Variants in MYB observed in about 807,000 individuals in gnomAD.
The protein encoded by MYB is transcriptional activator Myb.
MYB carries 28 observed loss-of-function variants against 92.9 expected under a neutral mutation model. The observed-to-expected ratio is 0.30, with a 90% CI of 0.22 to 0.41. The LOEUF is 0.41. Ranked by LOEUF, MYB falls within the 10% of genes least tolerant of loss-of-function variation. MYB has a pLI of 1.00. For synonymous variants in MYB, 295 were observed against 329.1 expected (o/e 0.90, Z 1.12); for missense variants, 679 against 929.3 (o/e 0.73, Z 3.50).
At chr6:135,210,979 C>A (rs978837537) in intron 15 of MYB, among the ~76,000 whole-genome samples, 21 of 151,948 alleles carry the variant, frequency 1.4e-4, no homozygotes, top group Admixed American at 7.9e-4. Context: ...TTCCCTGTCC[C>A]ACTCTTACAG....
intron 15 of MYB, among the ~76,000 whole-genome samples, chr6:135,205,201 G>A (rs548947065): frequency 6.7e-6 from 1 of 150,298 alleles, no homozygotes; most frequent in Admixed American, 6.6e-5. Context: ...CCTGAAAGCT[G>A]TTCTTAGGTC....
intron 15 of MYB, among the ~76,000 whole-genome samples, chr6:135,207,179 T>C (rs1034264903): frequency 3.3e-5 from 5 of 152,236 alleles, no homozygotes; most frequent in African/African-American, 7.2e-5. Flanking sequence ...GTACTTTATA[T>C]AATCTATAAT....
intron 15 of MYB, among the ~76,000 whole-genome samples, chr6:135,204,550 A>G (rs1043205245): frequency 3.3e-5 from 5 of 151,988 alleles, no homozygotes; most frequent in African/African-American, 1.2e-4. Context: ...TGATCTGCCC[A>G]CCTCGGCCTC....
chr6:135,209,072 A>T (rs1455327353), intron 15 of MYB, among the ~76,000 whole-genome samples: 1 of 152,198 alleles, frequency 6.6e-6, no homozygotes, highest in East Asian at 1.9e-4. Context: ...AATTAATTTA[A>T]GTTGCTTTAA....
intron 15 of MYB, among the ~76,000 whole-genome samples, chr6:135,217,240 G>A (rs934740351): frequency 1.3e-5 from 2 of 151,976 alleles, no homozygotes; most frequent in Admixed American, 6.6e-5. Flanking sequence ...TTGGTGGCAC[G>A]TGCCTGTAGT....
In MYB at chr6:135,196,968, C is replaced by A. The variant is rs1398079979; in HGVS notation, c.1211C>A (p.Ser404Ter). 2.5e-6 allele frequency: 4 copies of A among 1,611,966 alleles called. No individual in the cohort carries two copies. The highest frequency in any genetic ancestry group is 1.3e-5 in the African/African-American group (1 of 74,970). Reference protein sequence around the residue: ...ETLQFIDSDSSSWCDLSSFEF... With the variant: ...ETLQFIDSDS ...CCTCCCACATTGTTTCAGGATTCTT[C>A]ATCATGGTGTGATCTCAGCAGTTTT... The change falls in exon 10 of 16, where the codon TCA becomes TAA. Residue 404 changes from serine to a stop codon, truncating the protein, a stop_gained. Transcript: ENST00000341911. LOFTEE classifies it high-confidence loss of function.
chr6:135,200,703 A>C, intron 13 of MYB: 1 of 395,372 alleles, frequency 2.5e-6, no homozygotes, highest in Non-Finnish European at 4.8e-6. Flanking sequence ...AACATTACTG[A>C]TTATATAAAG....
rs1780765913 is a variant in MYB, at chr6:135,219,022, G to A, written c.*1042G>A. On this transcript the variant is annotated 3_prime_UTR_variant, in exon 16 of 16. Transcript: ENST00000341911. Reference sequence around the variant, plus strand: ...GTCTCAGAACTGTTGCATGGATCCTGTGTTTGCAACTGGGGAGACAGAAAC... The same window carrying A: ...GTCTCAGAACTGTTGCATGGATCCTATGTTTGCAACTGGGGAGACAGAAAC... The A allele has an allele frequency of 8.9e-6, 2 of 224,958 alleles. No individual in the cohort carries two copies. The highest frequency in any genetic ancestry group is 1.8e-5 in the Non-Finnish European group (2 of 112,452). 13.9% of individuals were successfully genotyped at this position (224,958 alleles called of 1,614,324 possible).
At chr6:135,193,274 TA>T (rs1776864206) in intron 6 of MYB, among the ~76,000 whole-genome samples, 1 of 152,158 alleles carries the variant, frequency 6.6e-6, no homozygotes, top group South Asian at 2.1e-4. Context: ...ATAACAATAT[TA>T]AATGATAAAA....
intron 15 of MYB, among the ~76,000 whole-genome samples, chr6:135,204,230 C>T (rs1044408466): frequency 6.6e-6 from 1 of 152,200 alleles, no homozygotes; most frequent in African/African-American, 2.4e-5. Flanking sequence ...TTTCTCCTTC[C>T]AAATTGTGAG....
chr6:135,215,527 G>A (rs184127146), intron 15 of MYB, among the ~76,000 whole-genome samples: 1 of 152,278 alleles, frequency 6.6e-6, no homozygotes, highest in Non-Finnish European at 1.5e-5. Flanking sequence ...GTGAATGGTA[G>A]CTATGCCACA....
chr6:135,210,944 G>T (rs959843774), intron 15 of MYB, among the ~76,000 whole-genome samples: 1 of 151,912 alleles, frequency 6.6e-6, no homozygotes, highest in African/African-American at 2.4e-5. Flanking sequence ...TTTCATTGTG[G>T]TATATTATTT....
intron 11 of MYB, 148 bp downstream of exon 11, chr6:135,199,198 T>C (rs1777733122): frequency 3.0e-6 from 2 of 671,538 alleles, no homozygotes; most frequent in South Asian, 5.6e-5. Context: ...ACATTGAATA[T>C]ATCTGTCCTG....
chr6:135,183,467 G>A (rs1457962941), intron 1 of MYB, among the ~76,000 whole-genome samples: 1 of 152,148 alleles, frequency 6.6e-6, no homozygotes, highest in Non-Finnish European at 1.5e-5. Context: ...AACCACACCG[G>A]GTCTAGCAGG....
At chr6:135,205,630 C>T (rs9321493) in intron 15 of MYB, among the ~76,000 whole-genome samples, 57,842 of 152,020 alleles carry the variant, frequency 0.38, 11,010 homozygotes, top group Admixed American at 0.4. Context: ...AACATCTGTA[C>T]ACTGAGATTA....
rs1289716025 is a variant in MYB, at chr6:135,181,945, T to A, written c.23+409T>A. On this transcript the variant is annotated intron_variant, in intron 1 of 15. Transcript: ENST00000341911. The surrounding 1 kb of genome is among the most constrained non-coding windows in gnomAD (Gnocchi z 5.3). ...TGGATGCATTGAGATATGTTTGGAC[T>A]TGGAAGTGCAGAGCATATGGCAGAT... Among the ~76,000 whole-genome samples the A allele has an allele frequency of 6.6e-6, 1 of 152,164 alleles. No individual in the cohort carries two copies. Among genetic ancestry groups the A allele is most frequent in the East Asian group, 1.9e-4 (1 of 5,176 alleles).
intron 15 of MYB, among the ~76,000 whole-genome samples, chr6:135,210,029 C>T (rs772851447): frequency 6.6e-6 from 1 of 152,170 alleles, no homozygotes; most frequent in Non-Finnish European, 1.5e-5. Flanking sequence ...AGTAGTTACC[C>T]GAGAGAGACC....
chr6:135,197,571 G>T (rs1777504623), intron 10 of MYB, among the ~76,000 whole-genome samples: 1 of 152,164 alleles, frequency 6.6e-6, no homozygotes, highest in African/African-American at 2.4e-5. Flanking sequence ...ATAGTTGCAT[G>T]AAACGTACTT....
At chr6:135,195,111 T>C in intron 8 of MYB, 1 of 1,250,280 alleles carries the variant, frequency 8.0e-7, no homozygotes, top group Non-Finnish European at 1.0e-6. Context: ...AATTTATTTT[T>C]TGTTAAATAA....
Sources: gnomAD v4.1 joint callset for allele counts (sites outside exome capture counted in the v4.1 genomes callset) on GRCh38, gnomAD v4.1.1 for gene constraint, Gnocchi (gnomAD v3.1) non-coding constraint, MANE v1.5 for transcripts, NCBI Gene and HGNC (gene_info 2026-07-23, HGNC 2026-07-21) for gene names.